ACER1: variants seen among roughly 807,000 people sequenced by gnomAD.
ACER1 encodes CTB-180A7.3.
Under a neutral mutation model 24.9 loss-of-function variants are expected in ACER1, and 28 were observed. The ratio of observed to expected loss-of-function variants is 1.13; its 90% CI spans 0.83 to 1.54. The LOEUF is 1.54. ACER1 is among the 40% of genes most tolerant of loss of function. The probability of loss-of-function intolerance (pLI) is 0.00; values close to 1 mark genes in which losing one functional copy is unlikely to be tolerated. For synonymous variants in ACER1, 132 were observed against 131.4 expected (o/e 1.00, Z -0.03); for missense variants, 352 against 349.3 (o/e 1.01, Z -0.06).
chr19:6,323,595 T>C (rs2091643961), intron 1 of ACER1, among the ~76,000 whole-genome samples: 2 of 152,172 alleles, frequency 1.3e-5, no homozygotes, highest in African/African-American at 2.4e-5. Flanking sequence ...CTTTTGTAAA[T>C]TGCCTAGTCT....
chr19:6,358,067 C>A, the ACER1 span, among the ~76,000 whole-genome samples: 1 of 152,124 alleles, frequency 6.6e-6, no homozygotes, highest in East Asian at 1.9e-4. Context: ...ATGGTGGCAG[C>A]TGTTGTCCTG....
At chr19:6,338,239 A>G (rs10419631), upstream of ACER1, among the ~76,000 whole-genome samples, 7,562 of 152,184 alleles carry the variant, frequency 0.05, 284 homozygotes, top group African/African-American at 0.11. Flanking sequence ...CAATCTTCTC[A>G]CCTTCGCCTC....
At chr19:6,325,309 G>C (rs2091655738) in intron 1 of ACER1, among the ~76,000 whole-genome samples, 1 of 152,110 alleles carries the variant, frequency 6.6e-6, no homozygotes, top group African/African-American at 2.4e-5. Flanking sequence ...GACTCCCCCT[G>C]GGCTCCGCTT....
chr19:6,326,407 T>A (rs1347059957), intron 1 of ACER1, among the ~76,000 whole-genome samples: 1 of 151,940 alleles, frequency 6.6e-6, no homozygotes, highest in Non-Finnish European at 1.5e-5. Context: ...ATTACAGGCG[T>A]GAGCCACTGC....
Position 6,307,090 on chromosome 19 carries a change from C to T in ACER1, c.626+63G>A, listed in dbSNP as rs553117660. ...AACCCCAGCCCCCAGGTGCCTACTC[C>T]GAGCTTTGGCATCTAAGATTCTCTG... is the stretch of plus-strand genomic sequence containing the variant. On this transcript the variant is annotated intron_variant, in intron 5 of 5. Coordinates refer to ENST00000301452, the MANE Select transcript of ACER1 (RefSeq NM_133492.3). 283 of 1,599,066 alleles carry T rather than the reference C, an allele frequency of 1.8e-4. 2 individuals are homozygous for T. The highest frequency in any genetic ancestry group is 1.1e-3 in the South Asian group (98 of 89,656).
upstream of ACER1, among the ~76,000 whole-genome samples, chr19:6,337,182 A>T (rs2091717666): frequency 6.6e-6 from 1 of 152,046 alleles, no homozygotes; most frequent in Non-Finnish European, 1.5e-5. Context: ...TCTCAAAAAA[A>T]AAAAAAAAAT....
In ACER1 at chr19:6,313,811, C is replaced by T. The variant is rs540890826; in HGVS notation, c.94-1312G>A. On this transcript the variant is annotated intron_variant, in intron 1 of 5. Transcript: ENST00000301452. ...CCTTTCTCTATCTCATAGGACAAGA[C>T]GTCCAGATCCTAGGCCACCACACAA... Among the ~76,000 whole-genome samples the T allele has an allele frequency of 4.9e-4, 74 of 152,310 alleles. 1 individual carries two copies. Among genetic ancestry groups the T allele is most frequent in the African/African-American group, 1.7e-3 (71 of 41,574 alleles).
At chr19:6,341,850 T>G in the ACER1 span, among the ~76,000 whole-genome samples, 10 of 152,180 alleles carry the variant, frequency 6.6e-5, no homozygotes, top group African/African-American at 1.9e-4. Flanking sequence ...AGGCTGGTCT[T>G]GAACTCCTGA....
rs866874353 is a variant in ACER1, at chr19:6,312,155, C to A, written c.344G>T (p.Gly115Val). ...PRCYFPSFLGGNRSQFIRLVF... is the reference protein window; with the variant it reads ...PRCYFPSFLGVNRSQFIRLVF... ...TGGCCAGCCCCTGACCCACCTGTTC[C>A]CCCCAAGGAAGGAGGGGAAATAGCA... Residue 115 changes from glycine to valine, a missense_variant, in exon 3 of 6, where the codon GGG becomes GTG. Gly to Val is a moderately radical substitution (Grantham distance 109). Transcript: ENST00000301452. 6.2e-7 allele frequency: 1 copy of A among 1,613,482 alleles called. No individual in the cohort carries two copies. Among genetic ancestry groups the A allele is most frequent in the Non-Finnish European group, 8.5e-7 (1 of 1,179,868 alleles).
chr19:6,307,245 A>G lies in ACER1; in HGVS notation c.534T>C (p.Val178=). The G allele has an allele frequency of 6.2e-7, 1 of 1,614,008 alleles. No individual in the cohort carries two copies. The highest frequency in any genetic ancestry group is 8.5e-7 in the Non-Finnish European group (1 of 1,180,002). The change falls in exon 5 of 6, where the codon GTT becomes GTC. Residue 178 remains valine, a synonymous_variant. Coordinates refer to ENST00000301452, the MANE Select transcript of ACER1 (RefSeq NM_133492.3). ...AGCTGGTCAGAGCAACAGCCCATAA[A>G]ACCACGGAGACCTCAATCAGGTGCC... is the stretch of plus-strand genomic sequence containing the variant. ...ELRHLIEVSV[V]LWAVALTSWI... is the part of the protein sequence containing the mutation.
At chr19:6,351,094 TG>T in the ACER1 span, among the ~76,000 whole-genome samples, 6 of 152,094 alleles carry the variant, frequency 3.9e-5, no homozygotes, top group African/African-American at 1.4e-4. Flanking sequence ...AGGCCGGGTG[TG>T]GTGGCTCACG....
At chr19:6,330,103 C>T (rs556518247) in intron 1 of ACER1, among the ~76,000 whole-genome samples, 1 of 151,416 alleles carries the variant, frequency 6.6e-6, no homozygotes, top group East Asian at 1.9e-4. Flanking sequence ...GATTTCTTGA[C>T]CTCGTGATCT....
At chr19:6,322,700 A>C (rs2091637009) in intron 1 of ACER1, among the ~76,000 whole-genome samples, 1 of 152,072 alleles carries the variant, frequency 6.6e-6, no homozygotes, top group African/African-American at 2.4e-5. Flanking sequence ...TCCCCACCCA[A>C]ATGTCATCTT....
In ACER1 at chr19:6,324,881, A is replaced by G. The variant is rs562035073; in HGVS notation, c.93+8578T>C. 3.9e-3 allele frequency among the ~76,000 whole-genome samples: 576 copies of G among 148,628 alleles called. 9 individuals carry two copies. Among genetic ancestry groups the G allele is most frequent in the African/African-American group, 8.4e-3 (340 of 40,310 alleles). On this transcript the variant is annotated intron_variant, in intron 1 of 5. Coordinates refer to ENST00000301452, the MANE Select transcript of ACER1 (RefSeq NM_133492.3). Reference sequence around the variant, plus strand: ...AGAGAAAGGAAGGAAGGAAGGAAGGAAGGAAGGAAGGAAGGAAGGAAGGAA... The same window carrying G: ...AGAGAAAGGAAGGAAGGAAGGAAGGGAGGAAGGAAGGAAGGAAGGAAGGAA...
the ACER1 span, among the ~76,000 whole-genome samples, chr19:6,356,892 T>C: frequency 1.2e-4 from 18 of 151,908 alleles, no homozygotes; most frequent in South Asian, 4.2e-4. Flanking sequence ...CTGCAGACAA[T>C]AGAAAAAGAA....
intron 1 of ACER1, among the ~76,000 whole-genome samples, chr19:6,314,692 A>G (rs1051921585): frequency 2.0e-5 from 3 of 152,130 alleles, no homozygotes; most frequent in African/African-American, 7.2e-5. Flanking sequence ...AAGAACTAAA[A>G]TTAGGACTAC....
At chr19:6,334,045 G>C (rs2091702812), upstream of ACER1, among the ~76,000 whole-genome samples, 1 of 149,900 alleles carries the variant, frequency 6.7e-6, no homozygotes, top group Admixed American at 6.7e-5. Flanking sequence ...ACCATGCCTA[G>C]CTAATTGTTT....
At chr19:6,352,774 A>G in the ACER1 span, among the ~76,000 whole-genome samples, 2 of 152,166 alleles carry the variant, frequency 1.3e-5, no homozygotes, top group African/African-American at 4.8e-5. Context: ...TGAGCCATTC[A>G]TTGGTGCATC....
chr19:6,339,052 T>C, the ACER1 span, among the ~76,000 whole-genome samples: 4 of 151,828 alleles, frequency 2.6e-5, no homozygotes, highest in South Asian at 6.2e-4. Flanking sequence ...AATTTTTACA[T>C]TTTTAGTAGA....
Sources: allele counts gnomAD v4.1 joint callset (sites outside exome capture counted in the v4.1 genomes callset), GRCh38; gene constraint gnomAD v4.1.1; transcripts MANE v1.5; gene names NCBI Gene and HGNC (gene_info 2026-07-23, HGNC 2026-07-21).